The following LOC128462377 variants were observed in gnomAD, a reference collection of about 807,000 sequenced individuals.
chr16:89,361,768 G>A, the LOC128462377 span: 1 of 152,232 alleles, frequency 6.6e-6, no homozygotes, highest in East Asian at 1.9e-4. Flanking sequence ...ATGTCTCTAA[G>A]GACTAAGGGA....
chr16:89,383,425 T>C, the LOC128462377 span, among the ~76,000 whole-genome samples: 2 of 152,176 alleles, frequency 1.3e-5, no homozygotes, highest in Admixed American at 1.3e-4. Flanking sequence ...TCTGGGAGAA[T>C]GTGAGTTCAG....
At chr16:89,355,433 G>C in the LOC128462377 span, among the ~76,000 whole-genome samples, 14 of 152,308 alleles carry the variant, frequency 9.2e-5, 1 homozygote, top group African/African-American at 3.1e-4. Context: ...TCATCAGCCA[G>C]ACTGTTTGCC....
At chr16:89,371,672 C>G in the LOC128462377 span, among the ~76,000 whole-genome samples, 2 of 152,180 alleles carry the variant, frequency 1.3e-5, no homozygotes, top group African/African-American at 4.8e-5. Context: ...AGACTCCCCC[C>G]TGCACCCCCT....
chr16:89,387,111 C>A, the LOC128462377 span, among the ~76,000 whole-genome samples: 1 of 152,042 alleles, frequency 6.6e-6, no homozygotes, highest in African/African-American at 2.4e-5. Context: ...TCTGCCCTGC[C>A]AAGAGCAGCG....
the LOC128462377 span, among the ~76,000 whole-genome samples, chr16:89,336,483 G>C: frequency 6.6e-6 from 1 of 152,354 alleles, no homozygotes; most frequent in South Asian, 2.1e-4. Flanking sequence ...ACGGAGTCCA[G>C]GAGGACTCCT....
At chr16:89,402,849 G>T in the LOC128462377 span, among the ~76,000 whole-genome samples, 4 of 151,288 alleles carry the variant, frequency 2.6e-5, no homozygotes, top group Admixed American at 2.6e-4. Context: ...GGAGGTGGGC[G>T]GGGTGGGGCC....
At chr16:89,374,770 T>C in the LOC128462377 span, among the ~76,000 whole-genome samples, 2 of 152,176 alleles carry the variant, frequency 1.3e-5, no homozygotes, top group Non-Finnish European at 1.5e-5. Flanking sequence ...ATGATGAACG[T>C]GGACACACAC....
At chr16:89,317,312 C>T in the LOC128462377 span, among the ~76,000 whole-genome samples, 3 of 152,326 alleles carry the variant, frequency 2.0e-5, no homozygotes, top group East Asian at 5.8e-4. Flanking sequence ...AAGGGTCAAG[C>T]ACTTTGTAGT....
the LOC128462377 span, among the ~76,000 whole-genome samples, chr16:89,326,577 C>T: frequency 6.6e-6 from 1 of 152,004 alleles, no homozygotes; most frequent in Non-Finnish European, 1.5e-5. Flanking sequence ...CTCATCTTTA[C>T]AAAAATATCA....
At chr16:89,353,204 T>C in the LOC128462377 span, among the ~76,000 whole-genome samples, 6 of 151,996 alleles carry the variant, frequency 3.9e-5, no homozygotes, top group Admixed American at 6.5e-5. Flanking sequence ...TAGCCGTGCA[T>C]GGTGGCAGAC....
chr16:89,354,349 A>G, the LOC128462377 span, among the ~76,000 whole-genome samples: 1 of 152,176 alleles, frequency 6.6e-6, no homozygotes, highest in African/African-American at 2.4e-5. Flanking sequence ...TGAAGTCTCA[A>G]AAATGATTTT....
At chr16:89,365,302 C>A in the LOC128462377 span, among the ~76,000 whole-genome samples, 1 of 152,196 alleles carries the variant, frequency 6.6e-6, no homozygotes, top group Admixed American at 6.5e-5. Flanking sequence ...CTTGTGTCAT[C>A]ACCTCCTGAC....
chr16:89,337,836 A>G, the LOC128462377 span, among the ~76,000 whole-genome samples: 1 of 152,242 alleles, frequency 6.6e-6, no homozygotes, highest in South Asian at 2.1e-4. Flanking sequence ...GGAGTCAGCA[A>G]TGCCTGTTCC....
chr16:89,407,619 A>C, the LOC128462377 span, among the ~76,000 whole-genome samples: 1 of 152,212 alleles, frequency 6.6e-6, no homozygotes, highest in Non-Finnish European at 1.5e-5. Flanking sequence ...TCAGGAGTTC[A>C]AGACCAGCCT....
the LOC128462377 span, among the ~76,000 whole-genome samples, chr16:89,367,471 T>C: frequency 6.6e-6 from 1 of 152,074 alleles, no homozygotes; most frequent in Non-Finnish European, 1.5e-5. Context: ...GGAGCGACGC[T>C]CTCAAACAAC....
chr16:89,362,000 A>C, the LOC128462377 span, among the ~76,000 whole-genome samples: 1 of 152,246 alleles, frequency 6.6e-6, no homozygotes, highest in African/African-American at 2.4e-5. Context: ...TCCAGGCAGG[A>C]GGACCCTGAA....
the LOC128462377 span, chr16:89,317,201 G>T: frequency 1.3e-6 from 1 of 754,924 alleles, no homozygotes; most frequent in Admixed American, 2.1e-5. Flanking sequence ...ATCAGGGCTG[G>T]GGCCCGGGCC....
At chr16:89,325,466 C>CTG in the LOC128462377 span, among the ~76,000 whole-genome samples, 3 of 136,420 alleles carry the variant, frequency 2.2e-5, no homozygotes, top group Non-Finnish European at 4.6e-5. Context: ...CTCTCTCTCT[C>CTG]TCTCACACAC....
chr16:89,354,251 A>AG, the LOC128462377 span, among the ~76,000 whole-genome samples: 11 of 151,772 alleles, frequency 7.2e-5, no homozygotes, highest in Non-Finnish European at 1.6e-4. Context: ...GCCAAAAAAA[A>AG]AAAAAAAAAG....
Sources: gnomAD v4.1 joint callset for allele counts (sites outside exome capture counted in the v4.1 genomes callset) on GRCh38, gnomAD v4.1.1 for gene constraint, MANE v1.5 for transcripts.